ADAM22: variants seen among roughly 807,000 people sequenced by gnomAD.
ADAM22 encodes disintegrin and metalloproteinase domain-containing protein 22.
A neutral mutation model predicts 144.6 loss-of-function variants in ADAM22; 65 were observed. That is an observed-to-expected ratio of 0.45 (90% confidence interval 0.37 to 0.55). The LOEUF is 0.55. Among genes scored for constraint, ADAM22 ranks in the 20% least tolerant of loss-of-function variants. The pLI, the probability that ADAM22 is intolerant of heterozygous loss-of-function variation, is 0.00. For missense variants in ADAM22, 974 were observed against 1,184.9 expected, an observed-to-expected ratio of 0.82 and a Z score of 2.61; for synonymous variants, 391 against 412.6, an observed-to-expected ratio of 0.95 and a Z score of 0.63.
intron 7 of ADAM22, among the ~76,000 whole-genome samples, chr7:88,123,265 T>C (rs1829713310): frequency 6.6e-6 from 1 of 152,104 alleles, no homozygotes; most frequent in Non-Finnish European, 1.5e-5. Context: ...ACTGGTCTTA[T>C]AAGATGTGTT....
intron 22 of ADAM22, among the ~76,000 whole-genome samples, chr7:88,161,164 C>A (rs1841515743): frequency 1.3e-5 from 2 of 149,154 alleles, no homozygotes; most frequent in Admixed American, 1.3e-4. Context: ...CACTTCATTT[C>A]TAATTCTCAA....
In ADAM22 at chr7:88,181,996, A is replaced by G. The variant is rs1847155841; in HGVS notation, c.2635A>G (p.Arg879Gly). ...CAACAAAAAGAAAATCAGAGGCAAA[A>G]GATTTAGACCTCGGTCTAATTCAAC... ...GGNKKKIRGK[R>G]FRPRSNSTEY... Residue 879 changes from arginine to glycine, a missense_variant, in exon 29 of 32, where the codon AGA becomes GGA. Arg to Gly is a moderately radical substitution (Grantham distance 125). Transcript: ENST00000413139. The G allele has an allele frequency of 6.2e-7, 1 of 1,613,760 alleles. No individual in the cohort carries two copies. Among genetic ancestry groups the G allele is most frequent in the Admixed American group, 1.7e-5 (1 of 59,986 alleles).
chr7:87,969,406 T>A (rs984719141), intron 2 of ADAM22, among the ~76,000 whole-genome samples: 1 of 152,240 alleles, frequency 6.6e-6, no homozygotes, highest in Non-Finnish European at 1.5e-5. Context: ...TTTATACATA[T>A]ACCTACTGTT....
intron 4 of ADAM22, among the ~76,000 whole-genome samples, chr7:88,077,818 G>C (rs1585489558): frequency 6.6e-6 from 1 of 152,188 alleles, no homozygotes; most frequent in Admixed American, 6.5e-5. Flanking sequence ...CATTGCCCAG[G>C]CTTCAGTAGG....
intron 3 of ADAM22, among the ~76,000 whole-genome samples, chr7:88,072,029 CTT>C (rs1475094836): frequency 1.3e-5 from 2 of 152,088 alleles, no homozygotes; most frequent in Non-Finnish European, 2.9e-5. Flanking sequence ...TAGGTTCTAA[CTT>C]GATGATAGTA....
rs546944295 is a variant in ADAM22 at position 87,944,256 on chromosome 7, A to G, written c.246+9070A>G. 8.6e-5 allele frequency among the ~76,000 whole-genome samples: 13 copies of G among 151,852 alleles called. No individual in the cohort carries two copies. In the South Asian group the frequency reaches 2.5e-3, roughly 29 times the overall value. ...GGCACTTCAAGGTTAGGATGAGGTT[A>G]GGATGTTGGGGGTCAGGCTGGTACA... On this transcript the variant is annotated intron_variant, in intron 2 of 31. Transcript: ENST00000413139.
At chr7:88,181,729 A>T in intron 28 of ADAM22, 124 bp downstream of exon 28, 1 of 888,864 alleles carries the variant, frequency 1.1e-6, no homozygotes, top group Non-Finnish European at 1.7e-6. Context: ...AGAGGAGAAT[A>T]TGTAGAATGA....
chr7:87,982,068 T>TATATATATATATATATACACACACAC (rs1244517564), intron 3 of ADAM22, among the ~76,000 whole-genome samples: 1 of 93,740 alleles, frequency 1.1e-5, no homozygotes, highest in African/African-American at 4.6e-5. Flanking sequence ...TATATATATA[T>TATATATATATATATATACACACACAC]ACACACACAC....
At chr7:88,005,192 A>T (rs1297985605) in intron 3 of ADAM22, among the ~76,000 whole-genome samples, 3 of 152,124 alleles carry the variant, frequency 2.0e-5, no homozygotes, top group African/African-American at 7.2e-5. Flanking sequence ...ACTCCCCATT[A>T]AATTTGTGTA....
In ADAM22 at chr7:88,039,220, G is replaced by T. The variant is rs1301965444; in HGVS notation, c.324-36406G>T. On this transcript the variant is annotated intron_variant, in intron 3 of 31. Coordinates refer to ENST00000413139, the MANE Select transcript of ADAM22 (RefSeq NM_001324418.2). ...AGCACTTTGGAGGCCAAGGGAGGCG[G>T]ATCACGAGGTCAGGAGATCGAGACC... is the stretch of plus-strand genomic sequence containing the variant. 2.6e-5 allele frequency among the ~76,000 whole-genome samples: 4 copies of T among 151,350 alleles called. 1 individual carries two copies. The South Asian group carries it at 8.4e-4, about 32-fold the overall frequency.
intron 2 of ADAM22, among the ~76,000 whole-genome samples, chr7:87,948,613 A>G (rs1251510379): frequency 3.3e-5 from 5 of 152,188 alleles, no homozygotes; most frequent in Admixed American, 1.3e-4. Context: ...CTTTGACAGT[A>G]ATCCATTGCT....
intron 3 of ADAM22, among the ~76,000 whole-genome samples, chr7:88,030,813 A>C (rs2129469365): frequency 6.6e-6 from 1 of 152,166 alleles, no homozygotes; most frequent in South Asian, 2.1e-4. Context: ...CAGAACCATG[A>C]ACTGATTAAA....
intron 3 of ADAM22, among the ~76,000 whole-genome samples, chr7:87,978,889 G>A (rs907169394): frequency 6.6e-6 from 1 of 152,064 alleles, no homozygotes; most frequent in African/African-American, 2.4e-5. Flanking sequence ...TCTGGTACTG[G>A]GATTATCCTG....
In ADAM22 at chr7:88,172,423, C is replaced by G. The variant is rs568972992; in HGVS notation, c.2300+862C>G. ...TTACACATGATAATGGTATTTAGTT[C>G]TATACTCATGGTATTTATGCAGATT... is the stretch of plus-strand genomic sequence containing the variant. On this transcript the variant is annotated intron_variant, in intron 26 of 31. Coordinates refer to ENST00000413139, the MANE Select transcript of ADAM22 (RefSeq NM_001324418.2). Among the ~76,000 whole-genome samples, 6 of 151,888 alleles carry G rather than the reference C, an allele frequency of 4.0e-5. No individual in the cohort carries two copies. The East Asian group carries it at 9.7e-4, about 24-fold the overall frequency.
chr7:88,149,078 T>C (rs1404475508), intron 18 of ADAM22, 21 bp downstream of exon 18: 5 of 1,592,152 alleles, frequency 3.1e-6, no homozygotes, highest in Non-Finnish European at 4.3e-6. Flanking sequence ...AAATAACTGC[T>C]CTAAAACTTA....
intron 3 of ADAM22, among the ~76,000 whole-genome samples, chr7:88,017,440 T>C (rs11972409): frequency 0.42 from 63,752 of 152,004 alleles, 14,168 homozygotes; most frequent in South Asian, 0.59. Flanking sequence ...TACTATGCTG[T>C]GTCAGTAACT....
chr7:88,030,970 G>T (rs569155123), intron 3 of ADAM22, among the ~76,000 whole-genome samples: 1 of 152,226 alleles, frequency 6.6e-6, no homozygotes, highest in East Asian at 1.9e-4. Flanking sequence ...CAAAAAATTA[G>T]CCGGGCGTGG....
rs907177291 is a variant in ADAM22 at position 88,197,903 on chromosome 7, T to C, written c.*1412T>C. ...CTGGTGGGGGAAAGAATCTGATGCT[T>C]TGAAACATATATTTTTAATCCATAG... On this transcript the variant is annotated 3_prime_UTR_variant, in exon 32 of 32. Transcript: ENST00000413139. 1 of 152,188 alleles carries C rather than the reference T, an allele frequency of 6.6e-6. No homozygotes were observed. The highest frequency in any genetic ancestry group is 1.5e-5 in the Non-Finnish European group (1 of 68,044). The allele number at this position is 152,188 out of a possible 1,614,324, so 9.4% of individuals were successfully genotyped here. A position where few individuals can be genotyped will look rare whatever the true frequency, so the allele number is the denominator to read the frequency against.
At chr7:87,954,221 C>G (rs1306132552) in intron 2 of ADAM22, among the ~76,000 whole-genome samples, 1 of 151,692 alleles carries the variant, frequency 6.6e-6, no homozygotes, top group Non-Finnish European at 1.5e-5. Flanking sequence ...TTAGTTGATG[C>G]AGTTTCTTCC....
Sources: allele counts gnomAD v4.1 joint callset (sites outside exome capture counted in the v4.1 genomes callset), GRCh38; gene constraint gnomAD v4.1.1; transcripts MANE v1.5; gene names NCBI Gene and HGNC (gene_info 2026-07-23, HGNC 2026-07-21).